The following SPATA31F3 variants were observed in gnomAD, a reference collection of about 807,000 sequenced individuals.
SPATA31F3 encodes the protein protein SPATA31F3.
chr9:34,889,216 G>A, the SPATA31F3 span: 151 of 398,644 alleles, frequency 3.8e-4, no homozygotes, highest in African/African-American at 2.9e-3. Flanking sequence ...GCATAAAACA[G>A]TGCCTTCTGC....
At chr9:34,889,620 C>A in the SPATA31F3 span, 1 of 398,450 alleles carries the variant, frequency 2.5e-6, no homozygotes. Context: ...GTTATCCAAG[C>A]CAACTTCTGG....
chr9:34,893,031 T>A, the SPATA31F3 span: 3 of 941,946 alleles, frequency 3.2e-6, no homozygotes, highest in Non-Finnish European at 4.9e-6. Flanking sequence ...GTCAGGGAGA[T>A]CTGGTTGTTC....
the SPATA31F3 span, chr9:34,889,710 C>T: frequency 5.0e-6 from 2 of 397,818 alleles, no homozygotes; most frequent in Non-Finnish European, 8.9e-6. Flanking sequence ...GAAAGTGTGG[C>T]CCTGCAAATT....
the SPATA31F3 span, among the ~76,000 whole-genome samples, chr9:34,894,760 C>T: frequency 6.6e-6 from 1 of 152,228 alleles, no homozygotes; most frequent in African/African-American, 2.4e-5. Context: ...GTTGAAGAGA[C>T]TTCCACAGGT....
At chr9:34,891,023 C>T in the SPATA31F3 span, among the ~76,000 whole-genome samples, 4 of 152,172 alleles carry the variant, frequency 2.6e-5, no homozygotes, top group Admixed American at 2.6e-4. Flanking sequence ...TGAGTGATTG[C>T]CTGGGCCACA....
the SPATA31F3 span, chr9:34,894,549 C>T: frequency 2.5e-6 from 1 of 398,536 alleles, no homozygotes; most frequent in Non-Finnish European, 4.4e-6. Context: ...GGAGAGGATT[C>T]AGGGACATCC....
chr9:34,895,657 G>A, the SPATA31F3 span: 1 of 402,774 alleles, frequency 2.5e-6, no homozygotes, highest in Non-Finnish European at 4.4e-6. Context: ...ATGCAATAAT[G>A]CAGATGGATC....
the SPATA31F3 span, among the ~76,000 whole-genome samples, chr9:34,893,697 G>A: frequency 1.3e-5 from 2 of 152,196 alleles, no homozygotes; most frequent in Non-Finnish European, 2.9e-5. Context: ...GGCTTCAGAC[G>A]ACCCATGGGA....
the SPATA31F3 span, among the ~76,000 whole-genome samples, chr9:34,893,608 AAAAAAG>A: frequency 6.6e-6 from 1 of 151,936 alleles, no homozygotes; most frequent in African/African-American, 2.4e-5. Flanking sequence ...TCTCAAAAAA[AAAAAAG>A]AAAAAAGAAA....
chr9:34,891,974 G>T, the SPATA31F3 span, among the ~76,000 whole-genome samples: 1 of 152,196 alleles, frequency 6.6e-6, no homozygotes. Flanking sequence ...AAGGAGGGGA[G>T]ATTTTAATTA....
At chr9:34,895,092 A>T in the SPATA31F3 span, 1 of 398,594 alleles carries the variant, frequency 2.5e-6, no homozygotes, top group Non-Finnish European at 4.4e-6. Flanking sequence ...ACACTTAAAG[A>T]CAAAAACATT....
At chr9:34,889,524 G>A in the SPATA31F3 span, 12 of 398,478 alleles carry the variant, frequency 3.0e-5, no homozygotes, top group Non-Finnish European at 4.4e-5. Context: ...TTGGGTCACT[G>A]TCTCAGCCTT....
chr9:34,890,274 C>G, the SPATA31F3 span, among the ~76,000 whole-genome samples: 1 of 152,198 alleles, frequency 6.6e-6, no homozygotes, highest in East Asian at 1.9e-4. Flanking sequence ...CCAGACACCC[C>G]CTTCTCTGTG....
the SPATA31F3 span, among the ~76,000 whole-genome samples, chr9:34,890,654 G>A: frequency 6.6e-6 from 1 of 152,300 alleles, no homozygotes. Flanking sequence ...CCTTGGTTTA[G>A]CAATCTTTAG....
At chr9:34,892,975 G>A in the SPATA31F3 span, 2 of 713,176 alleles carry the variant, frequency 2.8e-6, no homozygotes, top group African/African-American at 1.7e-5. Flanking sequence ...CACTAGATGT[G>A]GACAAAGCCT....
the SPATA31F3 span, chr9:34,893,204 C>T: frequency 4.5e-5 from 21 of 469,422 alleles, no homozygotes; most frequent in Admixed American, 3.6e-4. Context: ...TCTGCCTTCT[C>T]GGAAAAGTGT....
At chr9:34,892,515 C>T in the SPATA31F3 span, 1 of 409,460 alleles carries the variant, frequency 2.4e-6, no homozygotes, top group Non-Finnish European at 4.3e-6. Context: ...AACAATATCC[C>T]ACTTGTACTT....
At chr9:34,891,970 G>A in the SPATA31F3 span, among the ~76,000 whole-genome samples, 3 of 152,252 alleles carry the variant, frequency 2.0e-5, no homozygotes, top group African/African-American at 7.2e-5. Context: ...GGGGAAGGAG[G>A]GGAGATTTTA....
chr9:34,891,137 C>G, the SPATA31F3 span, among the ~76,000 whole-genome samples: 4 of 152,302 alleles, frequency 2.6e-5, no homozygotes, highest in Admixed American at 2.6e-4. Flanking sequence ...CTGGGCAGCT[C>G]AGGATCATCA....
Sources: gnomAD v4.1 joint callset for allele counts (sites outside exome capture counted in the v4.1 genomes callset) on GRCh38, gnomAD v4.1.1 for gene constraint, MANE v1.5 for transcripts, NCBI Gene and HGNC (gene_info 2026-07-23, HGNC 2026-07-21) for gene names.